PDE4D: variants seen among roughly 807,000 people sequenced by gnomAD.
PDE4D encodes the protein 3',5'-cyclic-AMP phosphodiesterase 4D.
PDE4D carries 24 observed loss-of-function variants against 87.4 expected under a neutral mutation model. The observed-to-expected ratio is 0.27, with a 90% CI of 0.20 to 0.39. The LOEUF (loss-of-function observed/expected upper bound fraction) is 0.39. Among genes scored for constraint, PDE4D ranks in the 10% least tolerant of loss-of-function variants. The pLI, the probability that PDE4D is intolerant of heterozygous loss-of-function variation, is 1.00. For synonymous variants in PDE4D, 384 were observed against 383.2 expected (o/e 1.00, Z -0.02); for missense variants, 714 against 1,041.0 (o/e 0.69, Z 4.32).
At chr5:59,528,912 C>T (rs1813653871) in intron 1 of PDE4D, 1 of 386,516 alleles carries the variant, frequency 2.6e-6, no homozygotes, top group African/African-American at 2.1e-5. Flanking sequence ...TGCCCTTGAC[C>T]CTCGACTCAG....
chr5:59,412,666 C>T (rs986803303), intron 1 of PDE4D, among the ~76,000 whole-genome samples: 10 of 152,200 alleles, frequency 6.6e-5, no homozygotes, highest in Non-Finnish European at 1.2e-4. Flanking sequence ...TTACTTTGTA[C>T]TGGCAATCTT....
At chr5:59,822,585 G>A (rs1411124847) in intron 1 of PDE4D, among the ~76,000 whole-genome samples, 1 of 152,142 alleles carries the variant, frequency 6.6e-6, no homozygotes, top group East Asian at 1.9e-4. Context: ...TTTAATACTT[G>A]TTCAAATGTG....
At chr5:59,593,918 A>G (rs1373213455) in intron 1 of PDE4D, among the ~76,000 whole-genome samples, 2 of 152,200 alleles carry the variant, frequency 1.3e-5, no homozygotes, top group Non-Finnish European at 2.9e-5. Flanking sequence ...AGAGAAGGGA[A>G]AAAGTACACA....
intron 1 of PDE4D, among the ~76,000 whole-genome samples, chr5:59,394,887 G>C (rs892783265): frequency 6.6e-6 from 1 of 152,146 alleles, no homozygotes; most frequent in Non-Finnish European, 1.5e-5. Flanking sequence ...CCGTGCACAA[G>C]CCGAAGCAGG....
chr5:59,106,256 A>C (rs1233253825), intron 5 of PDE4D, among the ~76,000 whole-genome samples: 1 of 152,198 alleles, frequency 6.6e-6, no homozygotes, highest in Non-Finnish European at 1.5e-5. Flanking sequence ...TAAGACTACC[A>C]ATGCACATGT....
chr5:59,647,018 G>A (rs1009120560), intron 1 of PDE4D, among the ~76,000 whole-genome samples: 8 of 152,126 alleles, frequency 5.3e-5, no homozygotes, highest in Non-Finnish European at 2.9e-5. Context: ...CTGGGTGACA[G>A]AGAGAGACTC....
At chr5:59,857,964 A>T (rs972465433) in intron 1 of PDE4D, among the ~76,000 whole-genome samples, 1 of 148,066 alleles carries the variant, frequency 6.8e-6, no homozygotes, top group African/African-American at 2.5e-5. Context: ...AGTAGGGAGA[A>T]TGGAAGGAAG....
chr5:59,014,841 C>A (rs1390457715), intron 6 of PDE4D, among the ~76,000 whole-genome samples: 1 of 152,154 alleles, frequency 6.6e-6, no homozygotes, highest in Non-Finnish European at 1.5e-5. Context: ...AAGAACAAAG[C>A]TGGAGGCATC....
chr5:60,294,437 G>T (rs1298677780), intron 1 of PDE4D, among the ~76,000 whole-genome samples: 1 of 152,040 alleles, frequency 6.6e-6, no homozygotes, highest in Non-Finnish European at 1.5e-5. Flanking sequence ...AATTTTGAGG[G>T]TTATAATTTT....
intron 1 of PDE4D, among the ~76,000 whole-genome samples, chr5:60,202,337 A>T (rs554560881): frequency 1.6e-3 from 241 of 152,084 alleles, no homozygotes; most frequent in African/African-American, 5.2e-3. Flanking sequence ...TAATTTTTTT[A>T]AAAAAATTTT....
chr5:59,663,770 C>A (rs551531634), intron 1 of PDE4D, among the ~76,000 whole-genome samples: 1 of 152,136 alleles, frequency 6.6e-6, no homozygotes, highest in South Asian at 2.1e-4. Context: ...GGATATATTC[C>A]TGAGTAACTG....
chr5:59,448,629 A>T (rs1003187553), intron 1 of PDE4D, among the ~76,000 whole-genome samples: 3 of 152,178 alleles, frequency 2.0e-5, no homozygotes, highest in African/African-American at 7.2e-5. Flanking sequence ...ATAATGTAGT[A>T]GAATGTTGTA....
intron 1 of PDE4D, among the ~76,000 whole-genome samples, chr5:59,669,650 G>T (rs972754695): frequency 3.7e-4 from 56 of 152,078 alleles, no homozygotes; most frequent in African/African-American, 1.2e-3. Flanking sequence ...TAGTCTAGGA[G>T]ATTTCCTTCC....
chr5:59,640,768 T>C (rs1427798098), intron 1 of PDE4D, among the ~76,000 whole-genome samples: 1 of 152,178 alleles, frequency 6.6e-6, no homozygotes, highest in Non-Finnish European at 1.5e-5. Context: ...GGAACCTCAT[T>C]CAATTGTCAC....
At chr5:59,032,215 ATT>A (rs1392434411) in intron 6 of PDE4D, among the ~76,000 whole-genome samples, 2 of 152,252 alleles carry the variant, frequency 1.3e-5, no homozygotes, top group Non-Finnish European at 2.9e-5. Flanking sequence ...TACAATTAAT[ATT>A]TGTCAATTAA....
intron 1 of PDE4D, among the ~76,000 whole-genome samples, chr5:59,442,370 G>A (rs532117645): frequency 3.3e-5 from 5 of 152,190 alleles, no homozygotes; most frequent in African/African-American, 1.2e-4. Flanking sequence ...GATAAACTAG[G>A]GACAAATCAG....
At chr5:59,119,964 C>T (rs1774215214) in intron 5 of PDE4D, among the ~76,000 whole-genome samples, 1 of 152,118 alleles carries the variant, frequency 6.6e-6, no homozygotes, top group African/African-American at 2.4e-5. Context: ...CCAGGCTCAG[C>T]CTCCCAAGTA....
chr5:60,277,224 C>T (rs1282442410), intron 1 of PDE4D, among the ~76,000 whole-genome samples: 2 of 152,004 alleles, frequency 1.3e-5, no homozygotes, highest in Admixed American at 1.3e-4. Flanking sequence ...AGACAAGGAT[C>T]CTCACTCTCG....
chr5:60,067,437 A>G (rs892026871), intron 2 of PDE4D, among the ~76,000 whole-genome samples: 3 of 152,118 alleles, frequency 2.0e-5, no homozygotes, highest in Non-Finnish European at 4.4e-5. Flanking sequence ...ATGTCTCAAA[A>G]TAATAAATGA....
Sources: gnomAD v4.1 joint callset for allele counts (sites outside exome capture counted in the v4.1 genomes callset) on GRCh38, gnomAD v4.1.1 for gene constraint, MANE v1.5 for transcripts, NCBI Gene and HGNC (gene_info 2026-07-23, HGNC 2026-07-21) for gene names.